Variants in SORCS3 observed in about 807,000 individuals in gnomAD.
The protein encoded by SORCS3 is sortilin related VPS10 domain containing receptor 3, also known as VPS10 domain-containing receptor SorCS3.
Under a neutral mutation model 146.3 loss-of-function variants are expected in SORCS3, and 57 were observed. That is an observed-to-expected ratio of 0.39 (90% CI 0.31 to 0.49). The LOEUF (loss-of-function observed/expected upper bound fraction) is 0.49, where lower values mean the gene tolerates loss of function less well. Ranked by LOEUF, SORCS3 falls within the 20% of genes least tolerant of loss-of-function variation. The probability of loss-of-function intolerance (pLI) is 0.92; values close to 1 mark genes in which losing one functional copy is unlikely to be tolerated. For synonymous variants in SORCS3, 653 were observed against 618.5 expected (o/e 1.06, Z -0.83); for missense variants, 1,341 against 1,575.5 (o/e 0.85, Z 2.52).
At chr10:105,215,298 T>C (rs1218561081) in intron 18 of SORCS3, among the ~76,000 whole-genome samples, 1 of 152,214 alleles carries the variant, frequency 6.6e-6, no homozygotes, top group Admixed American at 6.5e-5. Flanking sequence ...TAGGCACTCT[T>C]TGCTGAGTGG....
At chr10:105,213,452 A>AATGGTGATGATG (rs1227251756) in intron 17 of SORCS3, among the ~76,000 whole-genome samples, 2 of 152,212 alleles carry the variant, frequency 1.3e-5, no homozygotes, top group Non-Finnish European at 2.9e-5. Flanking sequence ...ATGGGCATGT[A>AATGGTGATGATG]ATGGTGATGA....
chr10:104,772,646 T>G (rs2017265378), intron 1 of SORCS3, among the ~76,000 whole-genome samples: 1 of 152,200 alleles, frequency 6.6e-6, no homozygotes, highest in African/African-American at 2.4e-5. Context: ...ATCCAGCCTC[T>G]TCTAGTCTTC....
chr10:104,649,744 T>A (rs1489885195), intron 1 of SORCS3, among the ~76,000 whole-genome samples: 1 of 152,242 alleles, frequency 6.6e-6, no homozygotes, highest in Non-Finnish European at 1.5e-5. Flanking sequence ...GAATTTGTAG[T>A]AGAAACAGAA....
chr10:104,823,396 C>T (rs1334139821), intron 1 of SORCS3, among the ~76,000 whole-genome samples: 1 of 152,106 alleles, frequency 6.6e-6, no homozygotes, highest in Non-Finnish European at 1.5e-5. Flanking sequence ...CTCTGAGACA[C>T]CTTTTTTTTC....
At chr10:104,692,698 T>C (rs2016128123) in intron 1 of SORCS3, among the ~76,000 whole-genome samples, 1 of 152,226 alleles carries the variant, frequency 6.6e-6, no homozygotes, top group Admixed American at 6.5e-5. Flanking sequence ...TGTTGACCAT[T>C]GAGTAAATAT....
rs1274694280 is a variant in SORCS3 at position 105,240,962 on chromosome 10, ATC to A, written c.2869-4578_2869-4577del. Among the ~76,000 whole-genome samples the A allele has an allele frequency of 2.1e-4, 31 of 151,186 alleles. No individual in the cohort carries two copies. The South Asian group carries it at 2.9e-3, about 14-fold the overall frequency. On this transcript the variant is annotated intron_variant, in intron 20 of 26. Transcript: ENST00000369701. Reference sequence around the variant, plus strand: ...CACTGAAAAAAATATATATATATATATCTATATCTATATCTATATATATCTCA... The same window carrying A: ...CACTGAAAAAAATATATATATATATATATATCTATATCTATATATATCTCA...
chr10:104,967,647 G>A (rs1370501702), intron 3 of SORCS3, among the ~76,000 whole-genome samples: 1 of 151,986 alleles, frequency 6.6e-6, no homozygotes, highest in Admixed American at 6.6e-5. Flanking sequence ...CATCACTTCT[G>A]ACTTCAGTTG....
At chr10:105,002,227 C>T (rs920422101) in intron 4 of SORCS3, among the ~76,000 whole-genome samples, 4 of 152,108 alleles carry the variant, frequency 2.6e-5, no homozygotes, top group African/African-American at 4.8e-5. Context: ...GTGCCTGCAT[C>T]GTGACAAAGG....
chr10:104,853,612 T>C (rs527880597), intron 2 of SORCS3, among the ~76,000 whole-genome samples: 63 of 152,142 alleles, frequency 4.1e-4, no homozygotes, highest in Admixed American at 2.2e-3. Context: ...GAAGAGAAAA[T>C]GGAAGAGACC....
rs143422936 is a variant in SORCS3, at chr10:105,128,619, G to A, written c.1213-10778G>A. On this transcript the variant is annotated intron_variant, in intron 7 of 26. Coordinates refer to ENST00000369701, the MANE Select transcript of SORCS3 (RefSeq NM_014978.3). ...AAGATGTTTCTGTTCTATAGCTGTG[G>A]CCATCATTTTCTGCTTCTCCTTCTC... 3.0e-4 allele frequency among the ~76,000 whole-genome samples: 45 copies of A among 152,244 alleles called. No homozygotes were observed. In the South Asian group the frequency reaches 4.1e-3, roughly 14 times the overall value.
intron 14 of SORCS3, among the ~76,000 whole-genome samples, chr10:105,184,364 TC>T (rs374456102): frequency 6.6e-6 from 1 of 152,070 alleles, no homozygotes; most frequent in Non-Finnish European, 1.5e-5. Flanking sequence ...CACTTGCTTT[TC>T]CCCCCCAACC....
chr10:104,753,938 A>T (rs1363988631), intron 1 of SORCS3, among the ~76,000 whole-genome samples: 1 of 152,224 alleles, frequency 6.6e-6, no homozygotes, highest in Non-Finnish European at 1.5e-5. Context: ...GAATGTATAT[A>T]TCTGGAAGGT....
chr10:104,994,370 G>T (rs1007064811), intron 4 of SORCS3, among the ~76,000 whole-genome samples: 59 of 152,296 alleles, frequency 3.9e-4, no homozygotes, highest in African/African-American at 1.2e-3. Context: ...CTTTTTAGAT[G>T]CTCATAAGCA....
intron 1 of SORCS3, among the ~76,000 whole-genome samples, chr10:104,829,297 G>C (rs1462343331): frequency 6.6e-6 from 1 of 152,188 alleles, no homozygotes; most frequent in Non-Finnish European, 1.5e-5. Context: ...TGTACAACAA[G>C]TTAGGGGAAC....
intron 1 of SORCS3, among the ~76,000 whole-genome samples, chr10:104,791,729 A>G (rs1401198901): frequency 6.6e-6 from 1 of 152,208 alleles, no homozygotes; most frequent in Non-Finnish European, 1.5e-5. Context: ...TGGATGACTG[A>G]GGATGACTTA....
At chr10:105,066,796 A>G (rs2055525845) in intron 5 of SORCS3, among the ~76,000 whole-genome samples, 1 of 151,838 alleles carries the variant, frequency 6.6e-6, no homozygotes, top group African/African-American at 2.4e-5. Context: ...CCATTTCTTT[A>G]CTACTCACCT....
intron 3 of SORCS3, among the ~76,000 whole-genome samples, chr10:104,928,652 C>G (rs550816863): frequency 6.6e-6 from 1 of 152,246 alleles, no homozygotes; most frequent in Non-Finnish European, 1.5e-5. Context: ...GGTACACACT[C>G]TGCTGGTGAG....
At chr10:104,978,940 A>G (rs1018244815) in intron 4 of SORCS3, among the ~76,000 whole-genome samples, 1 of 151,938 alleles carries the variant, frequency 6.6e-6, no homozygotes, top group Non-Finnish European at 1.5e-5. Flanking sequence ...CTTCCCCTTG[A>G]ATCTTTCAGT....
intron 7 of SORCS3, among the ~76,000 whole-genome samples, chr10:105,115,452 G>T (rs1417963630): frequency 1.3e-5 from 2 of 152,106 alleles, no homozygotes; most frequent in African/African-American, 4.8e-5. Flanking sequence ...AAGATTACTA[G>T]ATCTTTTCTC....
Sources: gnomAD v4.1 joint callset for allele counts (sites outside exome capture counted in the v4.1 genomes callset) on GRCh38, gnomAD v4.1.1 for gene constraint, MANE v1.5 for transcripts, NCBI Gene and HGNC (gene_info 2026-07-23, HGNC 2026-07-21) for gene names.